Variants in ARMC8 observed in about 807,000 individuals in gnomAD.
ARMC8 encodes the protein armadillo repeat containing 8.
In ARMC8, 20 loss-of-function variants were observed where a neutral mutation model predicts 99.3. The observed-to-expected ratio is 0.20, with a 90% CI of 0.14 to 0.29. The LOEUF is 0.29. Ranked by LOEUF, ARMC8 falls within the 10% of genes least tolerant of loss-of-function variation. The probability of loss-of-function intolerance (pLI) is 1.00; values close to 1 mark genes in which losing one functional copy is unlikely to be tolerated. For synonymous variants in ARMC8, 263 were observed against 278.3 expected, an observed-to-expected ratio of 0.95 and a Z score of 0.55; for missense variants, 569 against 809.5, an observed-to-expected ratio of 0.70 and a Z score of 3.60.
chr3:138,210,039 C>A, intron 2 of ARMC8, 146 bp downstream of exon 2: 1 of 526,028 alleles, frequency 1.9e-6, no homozygotes, highest in Non-Finnish European at 3.4e-6. Flanking sequence ...ACATTCATGA[C>A]GTTTAATATT....
intron 3 of ARMC8, among the ~76,000 whole-genome samples, chr3:138,222,584 T>C (rs1011384492): frequency 6.6e-6 from 1 of 152,246 alleles, no homozygotes; most frequent in South Asian, 2.1e-4. Flanking sequence ...GTGCAATTGC[T>C]ATTAGCTTTT....
intron 14 of ARMC8, among the ~76,000 whole-genome samples, chr3:138,264,968 G>A (rs911159519): frequency 2.6e-5 from 4 of 151,790 alleles, no homozygotes; most frequent in African/African-American, 4.8e-5. Flanking sequence ...CTCAGTCATG[G>A]CTCACTGCAG....
intron 2 of ARMC8, among the ~76,000 whole-genome samples, chr3:138,215,417 C>T (rs185465988): frequency 3.9e-5 from 6 of 152,126 alleles, no homozygotes; most frequent in Admixed American, 2.0e-4. Context: ...GGGGTTTCAC[C>T]GTGTTAACCA....
chr3:138,292,525 C>T (rs1239265421), intron 21 of ARMC8, among the ~76,000 whole-genome samples: 2 of 152,028 alleles, frequency 1.3e-5, no homozygotes, highest in Non-Finnish European at 2.9e-5. Context: ...TAAGCACCAA[C>T]GGGACTTACT....
chr3:138,226,242 C>T (rs1306350000), intron 5 of ARMC8, among the ~76,000 whole-genome samples: 1 of 152,204 alleles, frequency 6.6e-6, no homozygotes, highest in Non-Finnish European at 1.5e-5. Context: ...GATCCACCCG[C>T]CTCGGCCTCC....
At chr3:138,256,031 T>G (rs1352705224) in intron 12 of ARMC8, among the ~76,000 whole-genome samples, 1 of 152,206 alleles carries the variant, frequency 6.6e-6, no homozygotes, top group Non-Finnish European at 1.5e-5. Flanking sequence ...TTTAAAATTC[T>G]TTGCTAGAGG....
At chr3:138,245,056 T>G (rs750616207) in intron 11 of ARMC8, 32 bp from the exon 12 acceptor site, 3 of 1,587,252 alleles carry the variant, frequency 1.9e-6, no homozygotes, top group Non-Finnish European at 2.6e-6. Flanking sequence ...ATTTATGGAC[T>G]GAGTTGGAAC....
At chr3:138,233,643 G>T (rs967031985) in intron 6 of ARMC8, among the ~76,000 whole-genome samples, 52 of 152,148 alleles carry the variant, frequency 3.4e-4, no homozygotes, top group Admixed American at 3.4e-3. Context: ...TATGATGGTC[G>T]TGCTATTCAG....
chr3:138,212,371 G>A (rs975628973), intron 2 of ARMC8, among the ~76,000 whole-genome samples: 2 of 148,442 alleles, frequency 1.3e-5, no homozygotes, highest in Non-Finnish European at 3.0e-5. Context: ...GTGCAATGGC[G>A]CGATCTCGGC....
chr3:138,260,386 A>G (rs2047644149), intron 12 of ARMC8, among the ~76,000 whole-genome samples: 1 of 152,170 alleles, frequency 6.6e-6, no homozygotes, highest in East Asian at 1.9e-4. Flanking sequence ...CAGAGAGGTA[A>G]ATTGCCCAAG....
chr3:138,289,202 T>C, intron 20 of ARMC8, 82 bp downstream of exon 20: 1 of 1,091,198 alleles, frequency 9.2e-7, no homozygotes, highest in Non-Finnish European at 1.4e-6. Flanking sequence ...GCCCCTGAGA[T>C]CCTGGGCAGA....
intron 1 of ARMC8, among the ~76,000 whole-genome samples, chr3:138,196,821 C>T (rs986057567): frequency 4.6e-5 from 7 of 152,194 alleles, no homozygotes; most frequent in East Asian, 1.9e-4. Flanking sequence ...GAGCTGAGAT[C>T]GCACCCTTGC....
intron 14 of ARMC8, among the ~76,000 whole-genome samples, chr3:138,265,719 C>G (rs1464874277): frequency 6.6e-6 from 1 of 151,492 alleles, no homozygotes; most frequent in Non-Finnish European, 1.5e-5. Context: ...CTTTATGACT[C>G]TAGTGGAGCA....
At chr3:138,253,784 G>A (rs1259404882) in intron 12 of ARMC8, among the ~76,000 whole-genome samples, 1 of 152,202 alleles carries the variant, frequency 6.6e-6, no homozygotes, top group Non-Finnish European at 1.5e-5. Context: ...ACAGTTTAAT[G>A]TAGTTAGGGA....
At chr3:138,225,900 C>G (rs1485753576) in intron 5 of ARMC8, among the ~76,000 whole-genome samples, 1 of 152,218 alleles carries the variant, frequency 6.6e-6, no homozygotes, top group Non-Finnish European at 1.5e-5. Context: ...ACACATACTC[C>G]TCTGGCACTT....
chr3:138,262,610 A>C, intron 12 of ARMC8: 1 of 1,581,726 alleles, frequency 6.3e-7, no homozygotes, highest in African/African-American at 1.4e-5. Context: ...AAAAAAAAAA[A>C]AAATTTAGGT....
chr3:138,228,873 A>T, intron 5 of ARMC8, 45 bp from the exon 6 acceptor site: 2 of 1,138,536 alleles, frequency 1.8e-6, no homozygotes, highest in Non-Finnish European at 2.6e-6. Context: ...TATCAAATGT[A>T]CTCATGGTGC....
At chr3:138,258,388 A>G (rs549106107) in intron 12 of ARMC8, among the ~76,000 whole-genome samples, 2 of 152,338 alleles carry the variant, frequency 1.3e-5, no homozygotes, top group South Asian at 4.1e-4. Flanking sequence ...TTAGTTCTTC[A>G]TGTGCTCAGA....
intron 1 of ARMC8, chr3:138,188,482 A>C (rs772468641): frequency 6.2e-7 from 1 of 1,613,602 alleles, no homozygotes; most frequent in Non-Finnish European, 8.5e-7. Flanking sequence ...ACTGGGAGAT[A>C]ACTTCGAAGG....
Sources: gnomAD v4.1 joint callset for allele counts (sites outside exome capture counted in the v4.1 genomes callset) on GRCh38, gnomAD v4.1.1 for gene constraint, MANE v1.5 for transcripts, NCBI Gene and HGNC (gene_info 2026-07-23, HGNC 2026-07-21) for gene names.